RAB28: variants seen among roughly 807,000 people sequenced by gnomAD.
RAB28 encodes the protein RAB28, member RAS oncogene family.
In RAB28, 24 loss-of-function variants were observed where a neutral mutation model predicts 31.7. That is an observed-to-expected ratio of 0.76 (90% CI 0.55 to 1.06). The LOEUF (loss-of-function observed/expected upper bound fraction) is 1.06. Among genes scored for constraint, RAB28 ranks in the 50% least tolerant of loss-of-function variants. The pLI, the probability that RAB28 is intolerant of heterozygous loss-of-function variation, is 0.00. For missense variants in RAB28, 254 were observed against 258.5 expected (o/e 0.98, Z 0.12); for synonymous variants, 100 against 90.4 (o/e 1.11, Z -0.60).
chr4:13,407,813 G>C (rs1712191295), intron 4 of RAB28, among the ~76,000 whole-genome samples: 1 of 152,106 alleles, frequency 6.6e-6, no homozygotes, highest in Admixed American at 6.6e-5. Flanking sequence ...TTGGCTCTCT[G>C]TTTGTCTATT....
At chr4:13,376,287 C>A (rs1301773704) in intron 6 of RAB28, among the ~76,000 whole-genome samples, 2 of 151,914 alleles carry the variant, frequency 1.3e-5, no homozygotes, top group Non-Finnish European at 2.9e-5. Flanking sequence ...ATTAGTTAAC[C>A]ACTAATAAAA....
chr4:13,476,189 T>A (rs1716352001), intron 2 of RAB28, among the ~76,000 whole-genome samples: 1 of 151,546 alleles, frequency 6.6e-6, no homozygotes, highest in Admixed American at 6.6e-5. Context: ...TGTGAACACT[T>A]TGACTGTAAT....
At chr4:13,381,291 T>C (rs2108882234) in intron 5 of RAB28, among the ~76,000 whole-genome samples, 200 bp downstream of exon 5, 1 of 152,202 alleles carries the variant, frequency 6.6e-6, no homozygotes, top group South Asian at 2.1e-4. Flanking sequence ...TTAATTCCCC[T>C]TTTAAAAATA....
At chr4:13,463,415 T>A (rs1047732665) in intron 3 of RAB28, among the ~76,000 whole-genome samples, 1 of 152,122 alleles carries the variant, frequency 6.6e-6, no homozygotes, top group Non-Finnish European at 1.5e-5. Flanking sequence ...TGGCCCACAC[T>A]GTGTATCTGT....
chr4:13,440,421 T>G (rs1050105684), intron 4 of RAB28, among the ~76,000 whole-genome samples: 2 of 152,146 alleles, frequency 1.3e-5, no homozygotes, highest in African/African-American at 4.8e-5. Flanking sequence ...CTGTATTTGA[T>G]TCTACTATTA....
intron 4 of RAB28, among the ~76,000 whole-genome samples, chr4:13,441,950 T>A (rs1449642524): frequency 1.3e-5 from 2 of 152,186 alleles, no homozygotes; most frequent in Non-Finnish European, 1.5e-5. Context: ...ATCAGTCACA[T>A]CACGAACTCA....
intron 4 of RAB28, among the ~76,000 whole-genome samples, chr4:13,395,657 A>G (rs2108895296): frequency 6.6e-6 from 1 of 152,242 alleles, no homozygotes; most frequent in South Asian, 2.1e-4. Flanking sequence ...CTTAAAAGAT[A>G]CAGTATTAAA....
Position 13,368,288 on chromosome 4 carries a change from A to T in RAB28, c.*270T>A. 9.1e-7 allele frequency: 1 copy of T among 1,093,814 alleles called. No individual in the cohort carries two copies. The highest frequency in any genetic ancestry group is 4.4e-5 in the South Asian group (1 of 22,670). The allele number at this position is 1,093,814 out of a possible 1,614,324, so 67.8% of individuals were successfully genotyped here. On this transcript the variant is annotated 3_prime_UTR_variant, in exon 7 of 7. Coordinates refer to ENST00000330852, the MANE Select transcript of RAB28 (RefSeq NM_001017979.3). ...AAAAAAGAAGCAAGGACATACAAAG[A>T]AACAACATCATTCTTTTGCAATGAA...
At chr4:13,397,804 C>G (rs1711516748) in intron 4 of RAB28, among the ~76,000 whole-genome samples, 1 of 152,120 alleles carries the variant, frequency 6.6e-6, no homozygotes, top group Non-Finnish European at 1.5e-5. Flanking sequence ...TTGCTTCTAG[C>G]AATTCTCCAG....
intron 4 of RAB28, among the ~76,000 whole-genome samples, chr4:13,445,659 T>C (rs1052466511): frequency 2.0e-5 from 3 of 152,232 alleles, no homozygotes; most frequent in South Asian, 4.1e-4. Context: ...CTCAAGACCC[T>C]GTTCGCCTGG....
At chr4:13,434,407 T>C (rs896618675) in intron 4 of RAB28, among the ~76,000 whole-genome samples, 3 of 152,156 alleles carry the variant, frequency 2.0e-5, no homozygotes, top group Admixed American at 6.5e-5. Flanking sequence ...GCACCCAACA[T>C]AGAAGCACAC....
intron 3 of RAB28, among the ~76,000 whole-genome samples, chr4:13,470,852 C>T (rs981533552): frequency 1.3e-5 from 2 of 152,062 alleles, no homozygotes; most frequent in African/African-American, 2.4e-5. Flanking sequence ...GGTGTCAATT[C>T]AATTTAGTTT....
rs769278772 is a variant in RAB28, at chr4:13,381,548, C to G, written c.438G>C (p.Arg146=). 6.2e-7 allele frequency: 1 copy of G among 1,613,272 alleles called. No homozygotes were observed. The highest frequency in any genetic ancestry group is 2.2e-5 in the East Asian group (1 of 44,786). Residue 146 remains arginine, a synonymous_variant, in exon 5 of 7, where the codon CGG becomes CGC. Coordinates refer to ENST00000330852, the MANE Select transcript of RAB28 (RefSeq NM_001017979.3). ...MRTIKPEKHL[R]FCQENGFSSH... ...TACTAAAACCATTTTCCTGGCAAAA[C>G]CGTAAGTGTTTTTCAGGTTTTATTG...
At chr4:13,457,814 T>C (rs909966068) in intron 4 of RAB28, among the ~76,000 whole-genome samples, 1 of 152,182 alleles carries the variant, frequency 6.6e-6, no homozygotes, top group Non-Finnish European at 1.5e-5. Context: ...CAGGATAGCA[T>C]ACATATAACA....
chr4:13,376,029 G>A (rs1577149533), intron 6 of RAB28, among the ~76,000 whole-genome samples: 1 of 151,984 alleles, frequency 6.6e-6, no homozygotes, highest in Non-Finnish European at 1.5e-5. Context: ...ATGAATTAGT[G>A]GGAAATTATA....
chr4:13,415,006 G>T (rs186131057), intron 4 of RAB28, among the ~76,000 whole-genome samples: 10 of 152,274 alleles, frequency 6.6e-5, no homozygotes, highest in Admixed American at 5.9e-4. Flanking sequence ...TCAGTATTAA[G>T]GGTTCTTGGT....
intron 4 of RAB28, among the ~76,000 whole-genome samples, chr4:13,392,022 T>C (rs1350211795): frequency 6.6e-6 from 1 of 152,150 alleles, no homozygotes; most frequent in Non-Finnish European, 1.5e-5. Context: ...TTTACCAACA[T>C]GGCAAATGTA....
rs560249801 is a variant in RAB28, at chr4:13,436,891, A to G, written c.391+23808T>C. On this transcript the variant is annotated intron_variant, in intron 4 of 6. Coordinates refer to ENST00000330852, the MANE Select transcript of RAB28 (RefSeq NM_001017979.3). ...AAATTCGTATGGAACCAAAAAAAAC[A>G]GCCTGGATAGCCAAAGTAATCATAA... Among the ~76,000 whole-genome samples the G allele has an allele frequency of 8.5e-5, 13 of 152,290 alleles. No individual in the cohort carries two copies. In the South Asian group the frequency reaches 2.7e-3, roughly 32 times the overall value.
chr4:13,404,365 C>T (rs1010879398), intron 4 of RAB28, among the ~76,000 whole-genome samples: 4 of 151,960 alleles, frequency 2.6e-5, no homozygotes, highest in East Asian at 1.9e-4. Context: ...GCAACAAGAG[C>T]GAAACTCCAT....
Sources: allele counts gnomAD v4.1 joint callset (sites outside exome capture counted in the v4.1 genomes callset), GRCh38; gene constraint gnomAD v4.1.1; transcripts MANE v1.5; gene names NCBI Gene and HGNC (gene_info 2026-07-23, HGNC 2026-07-21).